Variants in ROCK1 observed in about 807,000 individuals in gnomAD.
ROCK1 encodes the protein rho-associated protein kinase 1.
A neutral mutation model predicts 196.8 loss-of-function variants in ROCK1; 36 were observed. The ratio of observed to expected loss-of-function variants is 0.18; its 90% CI spans 0.14 to 0.24. The LOEUF is 0.24. Among genes scored for constraint, ROCK1 ranks in the 10% least tolerant of loss-of-function variants. ROCK1 has a pLI of 1.00. For synonymous variants in ROCK1, 443 were observed against 515.9 expected, an observed-to-expected ratio of 0.86 and a Z score of 1.91; for missense variants, 920 against 1,562.0, an observed-to-expected ratio of 0.59 and a Z score of 6.93.
chr18:20,984,231 T>C, intron 20 of ROCK1, 120 bp downstream of exon 20: 5 of 757,408 alleles, frequency 6.6e-6, no homozygotes, highest in Non-Finnish European at 1.0e-5. Flanking sequence ...TTCTAAATAC[T>C]TTTTTTCTGT....
At chr18:20,964,230 T>C (rs2035352769) in intron 27 of ROCK1, among the ~76,000 whole-genome samples, 3 of 152,198 alleles carry the variant, frequency 2.0e-5, no homozygotes, top group African/African-American at 2.4e-5. Context: ...TTAGTACGTA[T>C]ATTCATTTAC....
At chr18:21,005,740 G>A (rs2035763091) in intron 16 of ROCK1, among the ~76,000 whole-genome samples, 1 of 152,120 alleles carries the variant, frequency 6.6e-6, no homozygotes, top group Middle Eastern at 3.2e-3. Flanking sequence ...AGCTGGGCAT[G>A]GTGGCATGCA....
chr18:20,965,211 G>A (rs1488199253), intron 27 of ROCK1, among the ~76,000 whole-genome samples: 1 of 152,048 alleles, frequency 6.6e-6, no homozygotes, highest in East Asian at 1.9e-4. Flanking sequence ...GCAATATGGT[G>A]AAATCCCGTC....
intron 29 of ROCK1, among the ~76,000 whole-genome samples, chr18:20,956,142 G>T (rs2035239709): frequency 6.6e-6 from 1 of 152,052 alleles, no homozygotes. Context: ...GTGGCAGATT[G>T]GTCCCAGGAC....
In ROCK1 at chr18:20,968,876, A is replaced by G. The variant is rs1461344716; in HGVS notation, c.2915-16T>C. 5 of 1,433,970 alleles carry G rather than the reference A, an allele frequency of 3.5e-6. No homozygotes were observed. The highest frequency in any genetic ancestry group is 1.8e-4 in the Middle Eastern group (1 of 5,694). The allele number at this position is 1,433,970 out of a possible 1,614,324, so 88.8% of individuals were successfully genotyped here. A position where few individuals can be genotyped will look rare whatever the true frequency, so the allele number is the denominator to read the frequency against. Reference sequence around the variant, plus strand: ...AGTTTATATTCTGTCAACAAATTATATTAAATGTTATTGTATGGTATTAAT... The same window carrying G: ...AGTTTATATTCTGTCAACAAATTATGTTAAATGTTATTGTATGGTATTAAT... On this transcript the variant is annotated splice_polypyrimidine_tract_variant and intron_variant, in intron 24 of 32. Coordinates refer to ENST00000399799, the MANE Select transcript of ROCK1 (RefSeq NM_005406.3).
intron 1 of ROCK1, among the ~76,000 whole-genome samples, chr18:21,076,204 A>G (rs1231585623): frequency 6.6e-6 from 1 of 152,156 alleles, no homozygotes; most frequent in Non-Finnish European, 1.5e-5. Context: ...CCACAGAACT[A>G]TACATTTAGA....
At chr18:20,991,797 G>C (rs2035628738) in intron 17 of ROCK1, among the ~76,000 whole-genome samples, 1 of 151,774 alleles carries the variant, frequency 6.6e-6, no homozygotes, top group South Asian at 2.1e-4. Flanking sequence ...ACCACACCTG[G>C]CTAATTTTTA....
At chr18:21,031,621 A>AG (rs1409903930) in intron 9 of ROCK1, among the ~76,000 whole-genome samples, 25 of 150,350 alleles carry the variant, frequency 1.7e-4, no homozygotes, top group African/African-American at 5.1e-4. Context: ...AAAAAAAAAA[A>AG]AAAAGAAAAT....
At chr18:21,042,533 T>C in intron 7 of ROCK1, 32 bp downstream of exon 7, 1 of 1,609,196 alleles carries the variant, frequency 6.2e-7, no homozygotes, top group Non-Finnish European at 8.5e-7. Context: ...TGAACAACTG[T>C]AATAGAGAGA....
At position 21,020,207 on chromosome 18, in the gene ROCK1, C is replaced by T; in HGVS notation, c.1305G>A (p.Leu435=). ...QESLQKTIYK[L]EEQLHNEMQL... ...GCATTTCATTATGCAGCTGTTCTTC[C>T]AGCTTATAGATTGTTTTTTGCAAAC... is the stretch of plus-strand genomic sequence containing the variant. Residue 435 remains leucine (L), a synonymous_variant, in exon 12 of 33, where the codon CTG becomes CTA. Transcript: ENST00000399799. 3 of 1,596,514 alleles carry T rather than the reference C, an allele frequency of 1.9e-6. No individual in the cohort carries two copies. The highest frequency in any genetic ancestry group is 2.3e-5 in the South Asian group (2 of 87,964).
At chr18:20,997,440 G>T (rs923216641) in intron 16 of ROCK1, among the ~76,000 whole-genome samples, 2 of 152,154 alleles carry the variant, frequency 1.3e-5, no homozygotes, top group Admixed American at 1.3e-4. Context: ...TTCAGCAAGA[G>T]AATATAACAA....
At chr18:21,051,803 G>C (rs1385838016) in intron 2 of ROCK1, among the ~76,000 whole-genome samples, 3 of 152,156 alleles carry the variant, frequency 2.0e-5, no homozygotes, top group Non-Finnish European at 4.4e-5. Context: ...TACAGTCCCT[G>C]AGGAATGCTC....
At chr18:20,983,814 A>G (rs879758488) in intron 20 of ROCK1, among the ~76,000 whole-genome samples, 2 of 152,182 alleles carry the variant, frequency 1.3e-5, no homozygotes, top group African/African-American at 2.4e-5. Flanking sequence ...ATATGATAAA[A>G]TAAACGTGGA....
At position 21,106,690 on chromosome 18, in the gene ROCK1, G is replaced by C. The variant is rs567624984; in HGVS notation, c.93+4128C>G. On this transcript the variant is annotated intron_variant, in intron 1 of 32. Coordinates refer to ENST00000399799, the MANE Select transcript of ROCK1 (RefSeq NM_005406.3). ...AAGAAAGACAACCATTAGGACACTGGAAAGAATCTGACCTACAGAAAACCA... is the reference window on the plus strand; with the variant it reads ...AAGAAAGACAACCATTAGGACACTGCAAAGAATCTGACCTACAGAAAACCA... Among the ~76,000 whole-genome samples the C allele has an allele frequency of 1.5e-3, 226 of 152,268 alleles. 1 individual carries two copies. In the Middle Eastern group the frequency reaches 0.034, roughly 23 times the overall value.
Position 20,986,989 on chromosome 18 carries a change from T to C in ROCK1, c.2265A>G (p.Leu755=). Residue 755 remains leucine (L), a synonymous_variant, in exon 19 of 33, where the codon CTA becomes CTG. Transcript: ENST00000399799. ...DVDLKQSQQK[L]EHLTGNKERM... ...TTTCTTTATTTCCAGTCAAATGTTC[T>C]AGTTTCTGCTGAGATTGCTTCAGAT... is the stretch of plus-strand genomic sequence containing the variant. 1.2e-6 allele frequency: 2 copies of C among 1,605,794 alleles called. No individual in the cohort carries two copies. The highest frequency in any genetic ancestry group is 1.1e-5 in the South Asian group (1 of 88,380).
chr18:20,993,744 T>C (rs1207138824), intron 16 of ROCK1, among the ~76,000 whole-genome samples: 4 of 152,234 alleles, frequency 2.6e-5, no homozygotes, highest in Admixed American at 6.5e-5. Flanking sequence ...TATTTAGTAA[T>C]TGTCTACTCA....
intron 1 of ROCK1, among the ~76,000 whole-genome samples, chr18:21,102,855 G>A (rs1416126999): frequency 1.3e-5 from 2 of 150,920 alleles, no homozygotes; most frequent in African/African-American, 2.4e-5. Context: ...GACAGGGCCA[G>A]ACCCTGTCTC....
At chr18:21,075,894 A>G (rs2036425569) in intron 1 of ROCK1, among the ~76,000 whole-genome samples, 1 of 151,068 alleles carries the variant, frequency 6.6e-6, no homozygotes, top group South Asian at 2.1e-4. Flanking sequence ...CGGAGGTTGC[A>G]GTGAGCCGAC....
chr18:20,993,006 T>G, intron 16 of ROCK1, 69 bp from the exon 17 acceptor site: 1 of 924,990 alleles, frequency 1.1e-6, no homozygotes, highest in Admixed American at 2.4e-5. Flanking sequence ...TATTGACAAT[T>G]TAGTTTTTAA....
Sources: gnomAD v4.1 joint callset for allele counts (sites outside exome capture counted in the v4.1 genomes callset) on GRCh38, gnomAD v4.1.1 for gene constraint, MANE v1.5 for transcripts, NCBI Gene and HGNC (gene_info 2026-07-23, HGNC 2026-07-21) for gene names.